The following CEP162 variants were observed in gnomAD, a reference collection of about 807,000 sequenced individuals.
The protein encoded by CEP162 is centrosomal protein of 162 kDa.
Under a neutral mutation model 169.2 loss-of-function variants are expected in CEP162, and 141 were observed. That is an observed-to-expected ratio of 0.83 (90% CI 0.73 to 0.96). The LOEUF is 0.96. Among genes scored for constraint, CEP162 ranks in the 40% least tolerant of loss-of-function variants. The probability of loss-of-function intolerance (pLI) is 0.00; values close to 1 mark genes in which losing one functional copy is unlikely to be tolerated. For missense variants in CEP162, 1,600 were observed against 1,587.2 expected, an observed-to-expected ratio of 1.01 and a Z score of -0.14; for synonymous variants, 540 against 526.4, an observed-to-expected ratio of 1.03 and a Z score of -0.35.
chr6:84,195,983 C>A (rs1480985311), intron 9 of CEP162, among the ~76,000 whole-genome samples: 1 of 152,194 alleles, frequency 6.6e-6, no homozygotes, highest in African/African-American at 2.4e-5. Context: ...ATATTCCCTA[C>A]TAAAACTTGT....
intron 13 of CEP162, among the ~76,000 whole-genome samples, chr6:84,179,670 T>C (rs557122344): frequency 4.9e-4 from 74 of 152,126 alleles, no homozygotes; most frequent in African/African-American, 1.7e-3. Flanking sequence ...TTTAATTAGA[T>C]ATCCCACAGA....
intron 11 of CEP162, among the ~76,000 whole-genome samples, chr6:84,188,553 A>G (rs9449828): frequency 0.24 from 36,228 of 152,174 alleles, 9,794 homozygotes; most frequent in African/African-American, 0.67. Context: ...TGGTGCAAAG[A>G]ACGTGACCTC....
intron 25 of CEP162, among the ~76,000 whole-genome samples, chr6:84,143,119 T>A (rs981882679): frequency 6.6e-6 from 1 of 151,964 alleles, no homozygotes; most frequent in Non-Finnish European, 1.5e-5. Flanking sequence ...AGTTAAATAA[T>A]AAATAGTCAC....
At chr6:84,126,302 G>T (rs2099508919) in intron 26 of CEP162, 76 bp downstream of exon 26, 2 of 1,084,080 alleles carry the variant, frequency 1.8e-6, no homozygotes, top group Non-Finnish European at 2.5e-6. Context: ...TTTTGCTAGG[G>T]ATGACAAAAC....
At chr6:84,147,571 T>G (rs2099519444) in intron 24 of CEP162, among the ~76,000 whole-genome samples, 1 of 152,150 alleles carries the variant, frequency 6.6e-6, no homozygotes. Flanking sequence ...ACACATTCTT[T>G]GCATGTAGCA....
At chr6:84,213,097 G>A (rs781257563) in intron 5 of CEP162, 73 bp from the exon 6 acceptor site, 29 of 901,576 alleles carry the variant, frequency 3.2e-5, no homozygotes, top group South Asian at 5.5e-5. Flanking sequence ...TCTGTATACC[G>A]TTTTAAAAAA....
chr6:84,132,173 ACT>A (rs2099511842), intron 25 of CEP162, among the ~76,000 whole-genome samples: 2 of 151,914 alleles, frequency 1.3e-5, no homozygotes, highest in African/African-American at 4.8e-5. Flanking sequence ...GTTGGCCCCC[ACT>A]CTCTTCTGGC....
At chr6:84,143,782 C>T (rs777566756) in intron 25 of CEP162, among the ~76,000 whole-genome samples, 1 of 151,934 alleles carries the variant, frequency 6.6e-6, no homozygotes, top group Non-Finnish European at 1.5e-5. Flanking sequence ...AACAACAAAG[C>T]TTTCTTGGAG....
intron 11 of CEP162, among the ~76,000 whole-genome samples, chr6:84,188,091 G>C (rs960626809): frequency 4.9e-5 from 7 of 141,546 alleles, no homozygotes; most frequent in Non-Finnish European, 6.0e-5. Context: ...CATCCAGAGT[G>C]AGACTCCGTC....
chr6:84,164,743 C>T (rs965971098), intron 18 of CEP162, among the ~76,000 whole-genome samples: 1 of 151,720 alleles, frequency 6.6e-6, no homozygotes, highest in Non-Finnish European at 1.5e-5. Context: ...ATACCTAATG[C>T]AGGTGGGGCT....
chr6:84,125,048 C>A lies in CEP162; in HGVS notation c.*22G>T. On this transcript the variant is annotated 3_prime_UTR_variant, in exon 27 of 27. Transcript: ENST00000403245. ...CCATCTTCAGGCCTTTTAATAAGGTCATTATGAAATCTGAATTTCTATTAA... is the reference window on the plus strand; with the variant it reads ...CCATCTTCAGGCCTTTTAATAAGGTAATTATGAAATCTGAATTTCTATTAA... The A allele has an allele frequency of 6.3e-7, 1 of 1,576,424 alleles. No homozygotes were observed. The highest frequency in any genetic ancestry group is 8.7e-7 in the Non-Finnish European group (1 of 1,148,838).
intron 6 of CEP162, among the ~76,000 whole-genome samples, chr6:84,205,343 T>A (rs939712118): frequency 6.6e-6 from 1 of 152,112 alleles, no homozygotes; most frequent in Non-Finnish European, 1.5e-5. Context: ...AAACCGAATC[T>A]AGCAGCACAT....
chr6:84,188,103 C>CAA (rs200434055), intron 11 of CEP162, among the ~76,000 whole-genome samples: 3,431 of 80,432 alleles, frequency 0.043, 140 homozygotes, highest in African/African-American at 0.14. Context: ...GACTCCGTCT[C>CAA]AAAAAAAAAA....
At chr6:84,220,367 T>C (rs551262003) in intron 3 of CEP162, among the ~76,000 whole-genome samples, 27 of 152,218 alleles carry the variant, frequency 1.8e-4, no homozygotes, top group Non-Finnish European at 3.2e-4. Flanking sequence ...GGCTTAGGCT[T>C]GTAATCTCTG....
At chr6:84,152,241 G>C (rs1371393408) in intron 23 of CEP162, among the ~76,000 whole-genome samples, 7 of 152,168 alleles carry the variant, frequency 4.6e-5, no homozygotes, top group Non-Finnish European at 1.0e-4. Context: ...TCCTTTGCTA[G>C]AAGAGCCCAA....
At chr6:84,131,585 C>T (rs1241439031) in intron 25 of CEP162, among the ~76,000 whole-genome samples, 1 of 152,160 alleles carries the variant, frequency 6.6e-6, no homozygotes, top group Admixed American at 6.5e-5. Context: ...GAATTGATCC[C>T]TTTACCATTA....
intron 11 of CEP162, among the ~76,000 whole-genome samples, chr6:84,187,889 G>A (rs745862883): frequency 3.9e-5 from 6 of 152,190 alleles, no homozygotes; most frequent in Non-Finnish European, 8.8e-5. Flanking sequence ...GCTCAACACA[G>A]AATGAGCTGG....
chr6:84,168,976 C>T (rs1204126314), intron 18 of CEP162, among the ~76,000 whole-genome samples: 2 of 152,124 alleles, frequency 1.3e-5, no homozygotes, highest in Non-Finnish European at 2.9e-5. Context: ...AGGCTGCACG[C>T]TTTCAAATAA....
intron 3 of CEP162, among the ~76,000 whole-genome samples, chr6:84,220,620 T>C (rs2099553329): frequency 6.6e-6 from 1 of 152,112 alleles, no homozygotes; most frequent in Admixed American, 6.6e-5. Flanking sequence ...TATACATATA[T>C]ATGAGAGACA....
Sources: allele counts gnomAD v4.1 joint callset (sites outside exome capture counted in the v4.1 genomes callset), GRCh38; gene constraint gnomAD v4.1.1; transcripts MANE v1.5; gene names NCBI Gene and HGNC (gene_info 2026-07-23, HGNC 2026-07-21).